ARNT2: variants seen among roughly 807,000 people sequenced by gnomAD.
The protein encoded by ARNT2 is ARNT protein 2.
Under a neutral mutation model 91.7 loss-of-function variants are expected in ARNT2, and 36 were observed. That is an observed-to-expected ratio of 0.39 (90% CI 0.30 to 0.52). The LOEUF (loss-of-function observed/expected upper bound fraction) is 0.52. Ranked by LOEUF, ARNT2 falls within the 20% of genes least tolerant of loss-of-function variation. The pLI, the probability that ARNT2 is intolerant of heterozygous loss-of-function variation, is 0.72. For synonymous variants in ARNT2, 365 were observed against 347.1 expected, an observed-to-expected ratio of 1.05 and a Z score of -0.57; for missense variants, 775 against 939.3, an observed-to-expected ratio of 0.83 and a Z score of 2.29.
intron 18 of ARNT2, 103 bp from the exon 19 acceptor site, chr15:80,593,497 G>A (rs755449156): frequency 1.1e-6 from 1 of 914,338 alleles, no homozygotes; most frequent in East Asian, 2.7e-5. Context: ...TGCCCCTTTA[G>A]GGATGGCCAT....
intron 5 of ARNT2, 152 bp from the exon 6 acceptor site, chr15:80,508,004 A>C: frequency 1.5e-6 from 1 of 676,980 alleles, no homozygotes; most frequent in Non-Finnish European, 2.6e-6. Flanking sequence ...TTTCTTGCCA[A>C]AGAATGTTGG....
intron 1 of ARNT2, among the ~76,000 whole-genome samples, chr15:80,414,891 T>G (rs2141556359): frequency 6.6e-6 from 1 of 151,692 alleles, no homozygotes; most frequent in East Asian, 1.9e-4. Context: ...GGTGGTGTGG[T>G]GGGGGTGGGT....
At chr15:80,577,022 C>T in intron 15 of ARNT2, 57 bp downstream of exon 15, 1 of 1,552,718 alleles carries the variant, frequency 6.4e-7, no homozygotes, top group South Asian at 1.1e-5. Flanking sequence ...CCAAGAAAGC[C>T]CTGGGTCTCA....
intron 18 of ARNT2, among the ~76,000 whole-genome samples, chr15:80,593,196 G>A (rs969536343): frequency 6.6e-6 from 1 of 152,204 alleles, no homozygotes; most frequent in African/African-American, 2.4e-5. Flanking sequence ...GGCCAGCCAG[G>A]TCTCCACATA....
At chr15:80,414,119 G>C (rs553205975) in intron 1 of ARNT2, among the ~76,000 whole-genome samples, 1 of 152,208 alleles carries the variant, frequency 6.6e-6, no homozygotes, top group Non-Finnish European at 1.5e-5. Flanking sequence ...AGACCTCTAA[G>C]TTGGGTGGCA....
intron 5 of ARNT2, among the ~76,000 whole-genome samples, chr15:80,486,886 G>C (rs1341199204): frequency 6.6e-6 from 1 of 152,220 alleles, no homozygotes; most frequent in African/African-American, 2.4e-5. Flanking sequence ...CCATTCAGAT[G>C]TGAACGTGGT....
At chr15:80,577,718 G>A (rs552089883) in intron 15 of ARNT2, among the ~76,000 whole-genome samples, 4 of 152,348 alleles carry the variant, frequency 2.6e-5, no homozygotes, top group South Asian at 2.1e-4. Context: ...AGGTGGGGCC[G>A]GCCACCCAGA....
chr15:80,406,641 G>A (rs74027757), intron 1 of ARNT2, among the ~76,000 whole-genome samples: 1,730 of 152,290 alleles, frequency 0.011, 36 homozygotes, highest in African/African-American at 0.038. Flanking sequence ...GTGAAGCACA[G>A]GAAAGCCTGT....
In ARNT2 at chr15:80,514,240, G is replaced by A. The variant is rs1897392756; in HGVS notation, c.792-80G>A. On this transcript the variant is annotated intron_variant, in intron 7 of 18. Coordinates refer to ENST00000303329, the MANE Select transcript of ARNT2 (RefSeq NM_014862.4). ...CAAAGGCAGACAAGGGAACCCAGTA[G>A]CTTAGATGCCAGAGGAGTCATCAAC... 9.8e-6 allele frequency: 14 copies of A among 1,428,930 alleles called. No homozygotes were observed. The South Asian group carries it at 1.6e-4, about 17-fold the overall frequency. The allele number at this position is 1,428,930 out of a possible 1,614,324, so 88.5% of individuals were successfully genotyped here. A position where few individuals can be genotyped will look rare whatever the true frequency, so the allele number is the denominator to read the frequency against.
intron 1 of ARNT2, among the ~76,000 whole-genome samples, chr15:80,439,243 A>C (rs1443463760): frequency 6.6e-6 from 1 of 152,210 alleles, no homozygotes; most frequent in Non-Finnish European, 1.5e-5. Flanking sequence ...CAATAAGTTC[A>C]TGTGGCATGG....
At chr15:80,542,699 T>G (rs74027833) in intron 8 of ARNT2, among the ~76,000 whole-genome samples, 1,792 of 152,306 alleles carry the variant, frequency 0.012, 36 homozygotes, top group African/African-American at 0.041. Context: ...AACTGGAGTT[T>G]GTTATCTCTA....
chr15:80,448,140 C>T (rs1896332704), intron 1 of ARNT2, among the ~76,000 whole-genome samples: 1 of 152,164 alleles, frequency 6.6e-6, no homozygotes, highest in South Asian at 2.1e-4. Flanking sequence ...AATGCCCCTT[C>T]AAGGTACATA....
intron 12 of ARNT2, among the ~76,000 whole-genome samples, chr15:80,570,741 A>G (rs1898568765): frequency 6.6e-6 from 1 of 150,702 alleles, no homozygotes; most frequent in African/African-American, 2.5e-5. Flanking sequence ...TTAACTCACC[A>G]CACTGTAATT....
intron 4 of ARNT2, among the ~76,000 whole-genome samples, chr15:80,474,551 C>CGTG (rs1306625558): frequency 6.6e-6 from 1 of 152,196 alleles, no homozygotes; most frequent in African/African-American, 2.4e-5. Flanking sequence ...TGGGGAGACA[C>CGTG]GTGGTCTCTT....
intron 11 of ARNT2, chr15:80,556,568 G>C (rs1216830342): frequency 6.6e-6 from 1 of 152,666 alleles, no homozygotes; most frequent in Non-Finnish European, 1.5e-5. Flanking sequence ...ATGGTGAAGA[G>C]AGAGAGGGAT....
At chr15:80,442,402 A>G (rs1369860074) in intron 1 of ARNT2, among the ~76,000 whole-genome samples, 1 of 152,236 alleles carries the variant, frequency 6.6e-6, no homozygotes, top group East Asian at 1.9e-4. Context: ...GTGTGAAATT[A>G]CTAGGCTCTG....
chr15:80,443,093 G>A, intron 1 of ARNT2: 1 of 913,562 alleles, frequency 1.1e-6, no homozygotes, highest in Non-Finnish European at 1.3e-6. Context: ...TCAGAGACAG[G>A]CCTCCTTGAG....
chr15:80,459,909 A>G (rs1315511783), intron 3 of ARNT2, among the ~76,000 whole-genome samples: 1 of 152,202 alleles, frequency 6.6e-6, no homozygotes, highest in Non-Finnish European at 1.5e-5. Context: ...GAATGGGCCC[A>G]TGGTTGCATC....
intron 6 of ARNT2, among the ~76,000 whole-genome samples, chr15:80,511,932 C>T (rs1897348497): frequency 6.6e-6 from 1 of 152,118 alleles, no homozygotes; most frequent in Non-Finnish European, 1.5e-5. Context: ...CATCACTGGA[C>T]CTCAGAGAGA....
Sources: gnomAD v4.1 joint callset for allele counts (sites outside exome capture counted in the v4.1 genomes callset) on GRCh38, gnomAD v4.1.1 for gene constraint, MANE v1.5 for transcripts, NCBI Gene and HGNC (gene_info 2026-07-23, HGNC 2026-07-21) for gene names.